Variants in TMTC2 observed in about 807,000 individuals in gnomAD.
TMTC2 encodes the protein protein O-mannosyl-transferase TMTC2.
Under a neutral mutation model 82.4 loss-of-function variants are expected in TMTC2, and 43 were observed. That is an observed-to-expected ratio of 0.52 (90% CI 0.41 to 0.67). The LOEUF (loss-of-function observed/expected upper bound fraction) is 0.67, where lower values mean the gene tolerates loss of function less well. Among genes scored for constraint, TMTC2 ranks in the 30% least tolerant of loss-of-function variants. The pLI is 0.00. For synonymous variants in TMTC2, 408 were observed against 381.9 expected (o/e 1.07, Z -0.80); for missense variants, 919 against 1,012.4 (o/e 0.91, Z 1.25).
chr12:82,708,866 C>T (rs1331098094), intron 1 of TMTC2, among the ~76,000 whole-genome samples: 1 of 152,168 alleles, frequency 6.6e-6, no homozygotes, highest in African/African-American at 2.4e-5. Flanking sequence ...TGCTTTAGCT[C>T]AGTGCTAAGC....
At position 82,936,973 on chromosome 12, in the gene TMTC2, G is replaced by A. The variant is rs180803490; in HGVS notation, c.1598+6428G>A. Reference sequence around the variant, plus strand: ...TGATAAGACTAGTAATGAGTATTAGGATAACCACATTCTTTGAACTATGTA... The same window carrying A: ...TGATAAGACTAGTAATGAGTATTAGAATAACCACATTCTTTGAACTATGTA... On this transcript the variant is annotated intron_variant, in intron 4 of 11. Coordinates refer to ENST00000321196, the MANE Select transcript of TMTC2 (RefSeq NM_152588.3). 2.2e-4 allele frequency among the ~76,000 whole-genome samples: 34 copies of A among 152,162 alleles called. 1 individual carries two copies. The highest frequency in any genetic ancestry group is 7.7e-4 in the African/African-American group (32 of 41,538).
At chr12:83,105,209 T>C (rs964304410) in intron 11 of TMTC2, among the ~76,000 whole-genome samples, 3 of 152,196 alleles carry the variant, frequency 2.0e-5, no homozygotes, top group Non-Finnish European at 2.9e-5. Context: ...AATTCCCAAC[T>C]TTCCTTTATC....
intron 1 of TMTC2, among the ~76,000 whole-genome samples, chr12:82,762,355 C>T (rs1050966637): frequency 1.3e-5 from 2 of 152,164 alleles, no homozygotes; most frequent in African/African-American, 4.8e-5. Flanking sequence ...TCCCCTACCC[C>T]TCCAATGCTC....
chr12:82,715,669 A>G (rs1873861704), intron 1 of TMTC2, among the ~76,000 whole-genome samples: 1 of 152,196 alleles, frequency 6.6e-6, no homozygotes, highest in South Asian at 2.1e-4. Context: ...GAAACTTTAA[A>G]GAAGGACTTC....
rs769168235 is a variant in TMTC2, at chr12:82,753,876, G to T, written c.83+66207G>T. On this transcript the variant is annotated intron_variant, in intron 1 of 11. Coordinates refer to ENST00000321196, the MANE Select transcript of TMTC2 (RefSeq NM_152588.3). ...GAGGAAATACAGGTAAAAATAAAGC[G>T]TACTATATTAATTGGAAAACATTGA... 3.9e-5 allele frequency among the ~76,000 whole-genome samples: 6 copies of T among 152,296 alleles called. No individual in the cohort carries two copies. The East Asian group carries it at 9.6e-4, about 24-fold the overall frequency.
chr12:83,033,073 T>G (rs1881507650), intron 9 of TMTC2, among the ~76,000 whole-genome samples: 1 of 152,166 alleles, frequency 6.6e-6, no homozygotes, highest in African/African-American at 2.4e-5. Flanking sequence ...TTTATGAAAT[T>G]TTATAAGTTT....
chr12:82,867,082 G>A (rs752775478), intron 2 of TMTC2, among the ~76,000 whole-genome samples: 2 of 152,182 alleles, frequency 1.3e-5, no homozygotes, highest in Non-Finnish European at 1.5e-5. Flanking sequence ...TGATTTGGTG[G>A]TAGGAAGGTC....
chr12:82,808,421 G>C (rs1306162959), intron 1 of TMTC2, among the ~76,000 whole-genome samples: 1 of 151,950 alleles, frequency 6.6e-6, no homozygotes, highest in Non-Finnish European at 1.5e-5. Context: ...ATAGTGCTTT[G>C]TAATTTTAAA....
At chr12:82,788,247 AGAT>A (rs1297297576) in intron 1 of TMTC2, among the ~76,000 whole-genome samples, 2 of 152,128 alleles carry the variant, frequency 1.3e-5, no homozygotes, top group Non-Finnish European at 2.9e-5. Context: ...TTGAGTACAG[AGAT>A]GATATTACAA....
chr12:82,734,127 G>T (rs574817029), intron 1 of TMTC2, among the ~76,000 whole-genome samples: 5 of 152,182 alleles, frequency 3.3e-5, no homozygotes, highest in Non-Finnish European at 7.3e-5. Flanking sequence ...TAATAAGAAG[G>T]TTAGATGAAA....
intron 8 of TMTC2, among the ~76,000 whole-genome samples, chr12:82,989,077 A>G (rs1879295484): frequency 6.6e-6 from 1 of 151,772 alleles, no homozygotes; most frequent in South Asian, 2.1e-4. Context: ...ACAGCATTTT[A>G]TGAAGCAGGA....
chr12:82,697,785 C>CT (rs1872880984), intron 1 of TMTC2, among the ~76,000 whole-genome samples: 1 of 152,106 alleles, frequency 6.6e-6, no homozygotes, highest in African/African-American at 2.4e-5. Context: ...TTGCCTAGGG[C>CT]TTATGCTCAA....
At chr12:82,689,502 T>C (rs1444374313) in intron 1 of TMTC2, among the ~76,000 whole-genome samples, 2 of 152,218 alleles carry the variant, frequency 1.3e-5, no homozygotes, top group African/African-American at 4.8e-5. Flanking sequence ...GTGAATCAAG[T>C]ATTCCTATTG....
At chr12:82,910,743 T>G (rs1397508763) in intron 3 of TMTC2, among the ~76,000 whole-genome samples, 1 of 152,164 alleles carries the variant, frequency 6.6e-6, no homozygotes, top group African/African-American at 2.4e-5. Context: ...TCTGCCTCAT[T>G]TGGCTGGTGG....
chr12:83,080,519 C>T (rs759900491), intron 11 of TMTC2, among the ~76,000 whole-genome samples: 4 of 151,934 alleles, frequency 2.6e-5, no homozygotes, highest in African/African-American at 4.8e-5. Flanking sequence ...GCATCTGCAC[C>T]GATTAAACAT....
intron 8 of TMTC2, among the ~76,000 whole-genome samples, chr12:83,016,153 T>C (rs1420251903): frequency 6.6e-6 from 1 of 152,194 alleles, no homozygotes; most frequent in South Asian, 2.1e-4. Flanking sequence ...AAAAAATGTG[T>C]TTTGAGTTGA....
At chr12:83,019,638 C>T (rs1468874548) in intron 8 of TMTC2, among the ~76,000 whole-genome samples, 3 of 152,178 alleles carry the variant, frequency 2.0e-5, no homozygotes, top group East Asian at 1.9e-4. Flanking sequence ...ATCTTCTCTT[C>T]GGTTTTGGTC....
At chr12:83,108,071 A>G (rs538983969) in intron 11 of TMTC2, among the ~76,000 whole-genome samples, 55 of 152,174 alleles carry the variant, frequency 3.6e-4, no homozygotes, top group African/African-American at 1.3e-3. Context: ...CCTTCTTGCC[A>G]TAATTATGTT....
chr12:82,868,706 T>C (rs1872003358), intron 2 of TMTC2, among the ~76,000 whole-genome samples: 1 of 151,700 alleles, frequency 6.6e-6, no homozygotes, highest in Non-Finnish European at 1.5e-5. Flanking sequence ...TCTCTTTTTT[T>C]TTTTTTTTGA....
Sources: allele counts gnomAD v4.1 joint callset (sites outside exome capture counted in the v4.1 genomes callset), GRCh38; gene constraint gnomAD v4.1.1; transcripts MANE v1.5; gene names NCBI Gene and HGNC (gene_info 2026-07-23, HGNC 2026-07-21).